Variants in SRRM4 observed in about 807,000 individuals in gnomAD.
The protein encoded by SRRM4 is serine/arginine repetitive matrix 4.
In SRRM4, 33 loss-of-function variants were observed where a neutral mutation model predicts 68.9. The observed-to-expected ratio is 0.48, with a 90% confidence interval of 0.36 to 0.64. SRRM4 has a LOEUF of 0.64. SRRM4 is among the 30% of genes least tolerant of loss of function. SRRM4 has a pLI of 0.00. For synonymous variants in SRRM4, 318 were observed against 318.8 expected, an observed-to-expected ratio of 1.00 and a Z score of 0.03; for missense variants, 817 against 827.1, an observed-to-expected ratio of 0.99 and a Z score of 0.15.
chr12:119,136,368 A>G (rs929272006), intron 8 of SRRM4, among the ~76,000 whole-genome samples: 17 of 152,212 alleles, frequency 1.1e-4, no homozygotes, highest in African/African-American at 3.9e-4. Context: ...GAGACACAAT[A>G]TCCAACATTC....
rs987045044 is a variant in SRRM4 at position 119,154,151 on chromosome 12, G to C, written c.1392-92G>C. The C allele has an allele frequency of 1.6e-6, 2 of 1,221,608 alleles. No individual in the cohort carries two copies. Among genetic ancestry groups the C allele is most frequent in the Non-Finnish European group, 2.3e-6 (2 of 862,506 alleles). The allele number at this position is 1,221,608 out of a possible 1,614,324, so 75.7% of individuals were successfully genotyped here. A position where few individuals can be genotyped will look rare whatever the true frequency, so the allele number is the denominator to read the frequency against. ...AGACCCCATCCCGTGACCCAGTGGG[G>C]TGGGAAAGAAAGGGAGTGTCCCTCT... On this transcript the variant is annotated intron_variant, in intron 11 of 12. Transcript: ENST00000267260. This position sits in a 1 kb window ranked among gnomAD's most constrained non-coding sequence, Gnocchi z 4.7.
chr12:119,118,371 T>C (rs1954194788), intron 4 of SRRM4, among the ~76,000 whole-genome samples: 1 of 152,242 alleles, frequency 6.6e-6, no homozygotes. Context: ...AAGAGGTTGT[T>C]TGGGGCTTCC....
At chr12:119,114,696 G>A (rs1217274048) in intron 3 of SRRM4, among the ~76,000 whole-genome samples, 5 of 118,960 alleles carry the variant, frequency 4.2e-5, no homozygotes, top group Admixed American at 1.2e-4. Flanking sequence ...ACGGAGTCTC[G>A]CTCTGTCACC....
chr12:119,130,933 A>G (rs974752567), intron 8 of SRRM4, 99 bp downstream of exon 8: 43 of 1,221,884 alleles, frequency 3.5e-5, no homozygotes, highest in Non-Finnish European at 4.6e-5. Flanking sequence ...CTTTAATTCA[A>G]TTTCTGACAA....
chr12:118,990,294 G>A (rs981804497), intron 1 of SRRM4, among the ~76,000 whole-genome samples: 1 of 152,280 alleles, frequency 6.6e-6, no homozygotes, highest in African/African-American at 2.4e-5. Context: ...TAAGCCCTGG[G>A]AATCCAGCAA....
intron 1 of SRRM4, among the ~76,000 whole-genome samples, chr12:119,070,095 T>C (rs1205909333): frequency 1.3e-5 from 2 of 152,160 alleles, no homozygotes; most frequent in Non-Finnish European, 2.9e-5. Flanking sequence ...TCTTAAAATT[T>C]GTGCATGAAG....
intron 1 of SRRM4, among the ~76,000 whole-genome samples, chr12:119,021,277 A>C (rs1445577612): frequency 6.6e-6 from 1 of 152,242 alleles, no homozygotes; most frequent in African/African-American, 2.4e-5. Flanking sequence ...AGGAAAAAAA[A>C]GAAGTGATCC....
intron 1 of SRRM4, among the ~76,000 whole-genome samples, chr12:119,017,145 T>C (rs1267289716): frequency 6.6e-6 from 1 of 152,240 alleles, no homozygotes; most frequent in Admixed American, 6.5e-5. Flanking sequence ...GGTTGTTTTA[T>C]TCCATTTTTA....
chr12:119,110,669 T>C (rs1954136806), intron 2 of SRRM4, among the ~76,000 whole-genome samples: 1 of 152,182 alleles, frequency 6.6e-6, no homozygotes, highest in Non-Finnish European at 1.5e-5. Flanking sequence ...GCTAAGACCA[T>C]TGGAGAGGTG....
At chr12:119,045,354 C>T (rs867778897) in intron 1 of SRRM4, among the ~76,000 whole-genome samples, 1 of 140,342 alleles carries the variant, frequency 7.1e-6, no homozygotes. Flanking sequence ...TAAATTTTAA[C>T]AGTATCTTTG....
intron 8 of SRRM4, among the ~76,000 whole-genome samples, chr12:119,136,494 G>A (rs1372343938): frequency 6.6e-6 from 1 of 151,348 alleles, no homozygotes; most frequent in Non-Finnish European, 1.5e-5. Context: ...GTTTTGTTTT[G>A]TTTAATGGGA....
At chr12:119,114,660 C>CTTTTTTT (rs68020424) in intron 3 of SRRM4, among the ~76,000 whole-genome samples, 4 of 101,388 alleles carry the variant, frequency 3.9e-5, no homozygotes, top group Non-Finnish European at 5.9e-5. Flanking sequence ...GAAGCATAGT[C>CTTTTTTT]TTTTTTTTTT....
At position 119,028,516 on chromosome 12, in the gene SRRM4, G is replaced by A. The variant is rs182134902; in HGVS notation, c.131+46503G>A. Among the ~76,000 whole-genome samples, 8 of 152,332 alleles carry A rather than the reference G, an allele frequency of 5.3e-5. No homozygotes were observed. The East Asian group carries it at 1.5e-3, about 29-fold the overall frequency. ...GAGACATGCCTTTCACCTCTGCCAT[G>A]ATTGTGAGGCCTCCCCAGCCACACA... On this transcript the variant is annotated intron_variant, in intron 1 of 12. Coordinates refer to ENST00000267260, the MANE Select transcript of SRRM4 (RefSeq NM_194286.4).
At chr12:119,117,957 C>T (rs1954192267) in intron 4 of SRRM4, among the ~76,000 whole-genome samples, 1 of 152,154 alleles carries the variant, frequency 6.6e-6, no homozygotes, top group Admixed American at 6.5e-5. Flanking sequence ...CAACAGAGGG[C>T]TCAGGTTTGT....
intron 8 of SRRM4, among the ~76,000 whole-genome samples, chr12:119,139,022 A>G (rs1708764242): frequency 6.6e-6 from 1 of 152,198 alleles, no homozygotes; most frequent in Non-Finnish European, 1.5e-5. Flanking sequence ...GCTAATAAGT[A>G]TCTTGGGACA....
rs1424805235 is a variant in SRRM4 at position 119,162,981 on chromosome 12, G to C, written c.*6183G>C. On this transcript the variant is annotated 3_prime_UTR_variant, in exon 13 of 13. Coordinates refer to ENST00000267260, the MANE Select transcript of SRRM4 (RefSeq NM_194286.4). ...CAAAGCTAAGCATAACCTTCCCGGG[G>C]TTTCTGGTTTTTCAGCCTGTACGAA... The C allele has an allele frequency of 2.6e-5, 4 of 152,148 alleles. No individual in the cohort carries two copies. The East Asian group carries it at 5.8e-4, about 22-fold the overall frequency. The allele number at this position is 152,148 out of a possible 1,614,324, so 9.4% of individuals were successfully genotyped here. A position where few individuals can be genotyped will look rare whatever the true frequency, so the allele number is the denominator to read the frequency against.
intron 1 of SRRM4, among the ~76,000 whole-genome samples, chr12:119,040,911 G>A (rs539388453): frequency 4.7e-5 from 7 of 149,910 alleles, no homozygotes; most frequent in South Asian, 4.2e-4. Context: ...CACAATGCTC[G>A]GCTAATTTTT....
intron 1 of SRRM4, among the ~76,000 whole-genome samples, chr12:119,028,639 T>G (rs1026890360): frequency 2.0e-5 from 3 of 152,200 alleles, no homozygotes; most frequent in African/African-American, 7.2e-5. Flanking sequence ...GCAACTCATC[T>G]GTACATACCT....
At chr12:119,106,293 C>T (rs1252117700) in intron 2 of SRRM4, among the ~76,000 whole-genome samples, 1 of 152,148 alleles carries the variant, frequency 6.6e-6, no homozygotes, top group Non-Finnish European at 1.5e-5. Flanking sequence ...GCAATGCGGG[C>T]TCTTTTTTGG....
Sources: allele counts gnomAD v4.1 joint callset (sites outside exome capture counted in the v4.1 genomes callset), GRCh38; gene constraint gnomAD v4.1.1; non-coding constraint Gnocchi (gnomAD v3.1); transcripts MANE v1.5; gene names NCBI Gene and HGNC (gene_info 2026-07-23, HGNC 2026-07-21).